Variants in CNN3 observed in about 807,000 individuals in gnomAD.
CNN3 encodes calponin 3.
In CNN3, 11 loss-of-function variants were observed where a neutral mutation model predicts 39.0. That is an observed-to-expected ratio of 0.28 (90% CI 0.18 to 0.47). CNN3 has a LOEUF of 0.47. Ranked by LOEUF, CNN3 falls within the 20% of genes least tolerant of loss-of-function variation. The probability of loss-of-function intolerance (pLI) is 0.99; values close to 1 mark genes in which losing one functional copy is unlikely to be tolerated. For missense variants in CNN3, 266 were observed against 403.4 expected (o/e 0.66, Z 2.92); for synonymous variants, 101 against 138.3 (o/e 0.73, Z 1.89).
At position 94,899,372 on chromosome 1, in the gene CNN3, T is replaced by G. The variant is rs1670803510; in HGVS notation, c.647A>C (p.Gln216Pro). Residue 216 changes from glutamine (Q) to proline (P), a missense_variant and splice_region_variant, in exon 6 of 7, where the codon CAG becomes CCG. Transcript: ENST00000370206. ...CACGTATAAAAAGGTATTGCTTACC[T>G]GGCTGGCTCCTTTATTAGTGCCCAT... is the stretch of plus-strand genomic sequence containing the variant. ...LQMGTNKGAS[Q>P]AGMLAPGTRR... 1 of 1,613,050 alleles carries G rather than the reference T, an allele frequency of 6.2e-7. No individual in the cohort carries two copies. Among genetic ancestry groups the G allele is most frequent in the Non-Finnish European group, 8.5e-7 (1 of 1,179,770 alleles).
intron 1 of CNN3, among the ~76,000 whole-genome samples, chr1:94,923,552 G>C (rs578250073): frequency 1.5e-4 from 22 of 150,442 alleles, no homozygotes; most frequent in Non-Finnish European, 2.8e-4. Context: ...ATTAAAAAAA[G>C]TAAGCTTGTG....
At position 94,903,149 on chromosome 1, in the gene CNN3, G is replaced by T; in HGVS notation, c.219C>A (p.Val73=). ...GAGGCCAGTTCAGTGAGGACTCGTT[G>T]ACCTTCTTCACTGAGCCTGGCTGTA... The part of the protein sequence containing the change: ...NKLQPGSVKK[V]NESSLNWPQL... The change falls in exon 3 of 7, where the codon GTC becomes GTA. Residue 73 remains valine, a synonymous_variant. Coordinates refer to ENST00000370206, the MANE Select transcript of CNN3 (RefSeq NM_001839.5). The T allele has an allele frequency of 6.2e-7, 1 of 1,612,376 alleles. No homozygotes were observed. Among genetic ancestry groups the T allele is most frequent in the South Asian group, 1.1e-5 (1 of 90,862 alleles).
At position 94,903,185 on chromosome 1, in the gene CNN3, A is replaced by G; in HGVS notation, c.183T>C (p.Leu61=). Residue 61 remains leucine (L), a synonymous_variant, in exon 3 of 7, where the codon CTT becomes CTC. Transcript: ENST00000370206. ...GLKDGIILCE[L]INKLQPGSVK... Reference sequence around the variant, plus strand: ...CTGAGCCTGGCTGTAGCTTGTTTATAAGTCTGAAAAGAAAAATATGAGAGA... The same window carrying G: ...CTGAGCCTGGCTGTAGCTTGTTTATGAGTCTGAAAAGAAAAATATGAGAGA... The G allele has an allele frequency of 6.2e-7, 1 of 1,612,546 alleles. No individual in the cohort carries two copies. Among genetic ancestry groups the G allele is most frequent in the South Asian group, 1.1e-5 (1 of 90,790 alleles).
intron 1 of CNN3, among the ~76,000 whole-genome samples, chr1:94,910,825 G>C (rs1408753713): frequency 6.6e-6 from 1 of 152,130 alleles, no homozygotes; most frequent in Non-Finnish European, 1.5e-5. Context: ...TCCAGGTACA[G>C]AGCATTCTAT....
At chr1:94,901,302 C>T (rs9432406) in intron 5 of CNN3, among the ~76,000 whole-genome samples, 44,438 of 149,934 alleles carry the variant, frequency 0.3, 7,253 homozygotes, top group African/African-American at 0.45. Flanking sequence ...TACAGTGAGC[C>T]GAGATCGCGT....
At chr1:94,901,078 G>T (rs1670849756) in intron 5 of CNN3, among the ~76,000 whole-genome samples, 2 of 152,106 alleles carry the variant, frequency 1.3e-5, no homozygotes, top group South Asian at 2.1e-4. Flanking sequence ...AACAGGCCAG[G>T]TGCAGTAGTT....
chr1:94,899,599 A>G, intron 5 of CNN3, 82 bp from the exon 6 acceptor site: 1 of 1,449,398 alleles, frequency 6.9e-7, no homozygotes, highest in Non-Finnish European at 9.4e-7. Flanking sequence ...CATGCTACCA[A>G]AAAGACAGAA....
chr1:94,918,665 G>C (rs886680837), intron 1 of CNN3, among the ~76,000 whole-genome samples: 1 of 151,812 alleles, frequency 6.6e-6, no homozygotes, highest in Non-Finnish European at 1.5e-5. Flanking sequence ...AAGCTGAGAC[G>C]GGTGGATCAC....
At chr1:94,912,693 A>G (rs1327778133) in intron 1 of CNN3, among the ~76,000 whole-genome samples, 1 of 152,248 alleles carries the variant, frequency 6.6e-6, no homozygotes, top group Non-Finnish European at 1.5e-5. Context: ...CAGGATTACC[A>G]GCCTAGGGAA....
rs368418630 is a variant in CNN3, at chr1:94,905,825, T to C, written c.58-2301A>G. ...ATCCTCCCGCATCAGCCTCCCAAAG[T>C]GCTGAGATTACAGGCATGAGCCACC... On this transcript the variant is annotated intron_variant, in intron 1 of 6. Coordinates refer to ENST00000370206, the MANE Select transcript of CNN3 (RefSeq NM_001839.5). 1.1e-4 allele frequency among the ~76,000 whole-genome samples: 16 copies of C among 152,256 alleles called. 1 individual carries two copies. Among genetic ancestry groups the C allele is most frequent in the Admixed American group, 8.5e-4 (13 of 15,288 alleles).
chr1:94,903,660 A>G (rs551550378), intron 1 of CNN3, 136 bp from the exon 2 acceptor site: 6 of 1,113,580 alleles, frequency 5.4e-6, no homozygotes, highest in African/African-American at 1.6e-5. Context: ...ATAGATCTCA[A>G]TGGCAAACTT....
rs968392875 is a variant in CNN3 at position 94,926,276 on chromosome 1, A to T, written c.57+562T>A. 6.6e-6 allele frequency among the ~76,000 whole-genome samples: 1 copy of T among 152,140 alleles called. No individual in the cohort carries two copies. The highest frequency in any genetic ancestry group is 1.5e-5 in the Non-Finnish European group (1 of 68,014). Reference sequence around the variant, plus strand: ...AGCAATCTGCCTCCAAATGCCTCCCAGGCACCGAGATCGGAGACTGTGATG... The same window carrying T: ...AGCAATCTGCCTCCAAATGCCTCCCTGGCACCGAGATCGGAGACTGTGATG... On this transcript the variant is annotated intron_variant, in intron 1 of 6. Transcript: ENST00000370206. This position sits in a 1 kb window ranked among gnomAD's most constrained non-coding sequence, Gnocchi z 4.2.
Position 94,927,025 on chromosome 1 carries a change from A to G in CNN3, c.-131T>C, listed in dbSNP as rs988289004. 9.8e-6 allele frequency: 10 copies of G among 1,022,402 alleles called. No individual in the cohort carries two copies. The African/African-American group carries it at 1.7e-4, about 17-fold the overall frequency. 63.3% of individuals were successfully genotyped at this position (1,022,402 alleles called of 1,614,324 possible). On this transcript the variant is annotated 5_prime_UTR_variant, in exon 1 of 7. Coordinates refer to ENST00000370206, the MANE Select transcript of CNN3 (RefSeq NM_001839.5). ...CTCCCTCCTCTGGGAGGCGCAGGAG[A>G]CGGCCGCGGGGCGCGGGCGGTGCCT...
chr1:94,898,117 G>A lies in CNN3; in HGVS notation c.649-34C>T, dbSNP rs1205569160. On this transcript the variant is annotated intron_variant, in intron 6 of 6. Coordinates refer to ENST00000370206, the MANE Select transcript of CNN3 (RefSeq NM_001839.5). The stretch of plus-strand genomic sequence containing the variant: ...AGAACATAGTATAAAAGTTAAAACA[G>A]CAGCTAGAATCTATTCTTGTGAATA... 1.9e-6 allele frequency: 3 copies of A among 1,550,550 alleles called. No individual in the cohort carries two copies. In the African/African-American group the frequency reaches 4.1e-5, roughly 21 times the overall value.
At chr1:94,900,197 C>A (rs859061) in intron 5 of CNN3, among the ~76,000 whole-genome samples, 75,356 of 151,984 alleles carry the variant, frequency 0.5, 20,283 homozygotes, top group Non-Finnish European at 0.61. Context: ...GATGTTGGAT[C>A]TTTTTTCTTT....
intron 1 of CNN3, among the ~76,000 whole-genome samples, chr1:94,920,334 C>T (rs568170762): frequency 6.6e-6 from 1 of 152,298 alleles, no homozygotes; most frequent in African/African-American, 2.4e-5. Flanking sequence ...TGCTTGGTGT[C>T]ATGTCCCCTA....
intron 1 of CNN3, among the ~76,000 whole-genome samples, chr1:94,913,709 GCAGGTTAGCTCCCATCTA>G (rs1671220057): frequency 3.3e-5 from 5 of 152,176 alleles, no homozygotes; most frequent in African/African-American, 1.2e-4. Flanking sequence ...TTTAGGAGAG[GCAGGTTAGCTCCCATCTA>G]AATATTTAGA....
In CNN3 at chr1:94,926,540, G is replaced by A. The variant is rs1671587517; in HGVS notation, c.57+298C>T. 1.3e-5 allele frequency among the ~76,000 whole-genome samples: 2 copies of A among 152,102 alleles called. No homozygotes were observed. The highest frequency in any genetic ancestry group is 1.3e-4 in the Admixed American group (2 of 15,274). On this transcript the variant is annotated intron_variant, in intron 1 of 6. Transcript: ENST00000370206. This position sits in a 1 kb window ranked among gnomAD's most constrained non-coding sequence, Gnocchi z 4.2. ...GTTCTGCAGTCACCAAACGGCCCCC[G>A]AGACCCCCGCAGCCGGAAAGGCTGG... is the stretch of plus-strand genomic sequence containing the variant.
chr1:94,908,979 TA>T (rs58396959), intron 1 of CNN3, among the ~76,000 whole-genome samples: 71,751 of 134,356 alleles, frequency 0.53, 18,875 homozygotes, highest in South Asian at 0.66. Flanking sequence ...CCCGTCTCTT[TA>T]AAAAAAAAAA....
Sources: gnomAD v4.1 joint callset for allele counts (sites outside exome capture counted in the v4.1 genomes callset) on GRCh38, gnomAD v4.1.1 for gene constraint, Gnocchi (gnomAD v3.1) non-coding constraint, MANE v1.5 for transcripts, NCBI Gene and HGNC (gene_info 2026-07-23, HGNC 2026-07-21) for gene names.